TXNDC8: variants seen among roughly 807,000 people sequenced by gnomAD.
TXNDC8 encodes thioredoxin domain-containing protein 8.
Under a neutral mutation model 12.9 loss-of-function variants are expected in TXNDC8, and 15 were observed. That is an observed-to-expected ratio of 1.16 (90% CI 0.78 to 1.79). The LOEUF is 1.79. Among genes scored for constraint, TXNDC8 ranks in the 40% most tolerant of loss-of-function variants. TXNDC8 has a pLI of 0.00. For missense variants in TXNDC8, 128 were observed against 113.2 expected, an observed-to-expected ratio of 1.13 and a Z score of -0.59; for synonymous variants, 40 against 35.4, an observed-to-expected ratio of 1.13 and a Z score of -0.46.
intron 3 of TXNDC8, among the ~76,000 whole-genome samples, chr9:110,318,510 G>T (rs185609833): frequency 6.6e-6 from 1 of 152,276 alleles, no homozygotes; most frequent in African/African-American, 2.4e-5. Context: ...GCCGAGGCAG[G>T]TGGATCACGA....
intron 3 of TXNDC8, chr9:110,323,286 A>T: frequency 4.1e-6 from 4 of 985,438 alleles, no homozygotes; most frequent in Non-Finnish European, 3.6e-6. Context: ...GATATCCAAA[A>T]CGGATATATT....
intron 2 of TXNDC8, among the ~76,000 whole-genome samples, chr9:110,333,520 T>C (rs923852768): frequency 2.0e-5 from 3 of 152,150 alleles, no homozygotes; most frequent in Non-Finnish European, 1.5e-5. Flanking sequence ...AGAGTTAACA[T>C]TAGGGTGTTG....
At chr9:110,307,818 C>G (rs1003335434) in intron 3 of TXNDC8, among the ~76,000 whole-genome samples, 2 of 152,214 alleles carry the variant, frequency 1.3e-5, no homozygotes, top group African/African-American at 4.8e-5. Flanking sequence ...CCGGACCAAA[C>G]CAGTGTTCAT....
At chr9:110,327,902 G>T (rs1208934629) in intron 2 of TXNDC8, among the ~76,000 whole-genome samples, 1 of 152,076 alleles carries the variant, frequency 6.6e-6, no homozygotes, top group African/African-American at 2.4e-5. Flanking sequence ...TGTGAATATA[G>T]AAAAGGTAAA....
At chr9:110,306,321 ACC>A (rs1838466806) in intron 3 of TXNDC8, among the ~76,000 whole-genome samples, 1 of 152,122 alleles carries the variant, frequency 6.6e-6, no homozygotes, top group African/African-American at 2.4e-5. Flanking sequence ...CATATGTTTT[ACC>A]TTGGTCAGCT....
At chr9:110,324,735 GC>G (rs1839239720) in intron 3 of TXNDC8, among the ~76,000 whole-genome samples, 1 of 152,124 alleles carries the variant, frequency 6.6e-6, no homozygotes, top group Admixed American at 6.5e-5. Flanking sequence ...AACGGAATAA[GC>G]ATTTTGTGTC....
intron 3 of TXNDC8, among the ~76,000 whole-genome samples, chr9:110,311,571 T>C (rs1838676277): frequency 1.6e-5 from 2 of 124,414 alleles, no homozygotes; most frequent in South Asian, 2.6e-4. Flanking sequence ...CCATACTATA[T>C]ATATATGGAT....
In TXNDC8 at chr9:110,334,282, T is replaced by C. The variant is rs1839663005; in HGVS notation, c.63A>G (p.Lys21=). 1.2e-6 allele frequency: 2 copies of C among 1,613,722 alleles called. No individual in the cohort carries two copies. The highest frequency in any genetic ancestry group is 1.1e-5 in the South Asian group (1 of 91,066). ...TCGAAGAAAATTGAACCACTGCGAG[T>C]TTGTGTCCGGCAGCTGTCAAAAATG... The change falls in exon 2 of 5, where the codon AAA becomes AAG. Residue 21 remains lysine, a synonymous_variant. Coordinates refer to ENST00000423740, the MANE Select transcript of TXNDC8 (RefSeq NM_001286946.2).
At chr9:110,324,249 TA>T (rs1381355466) in intron 3 of TXNDC8, among the ~76,000 whole-genome samples, 1 of 152,126 alleles carries the variant, frequency 6.6e-6, no homozygotes, top group Non-Finnish European at 1.5e-5. Context: ...GAGAAGATAA[TA>T]AAAGATGATA....
intron 2 of TXNDC8, among the ~76,000 whole-genome samples, chr9:110,327,121 A>C (rs1839354503): frequency 6.6e-6 from 1 of 152,230 alleles, no homozygotes; most frequent in African/African-American, 2.4e-5. Flanking sequence ...ACAGGTTGGC[A>C]AGGATGTGGA....
At chr9:110,308,745 A>G (rs967296795) in intron 3 of TXNDC8, among the ~76,000 whole-genome samples, 2 of 152,240 alleles carry the variant, frequency 1.3e-5, no homozygotes, top group East Asian at 1.9e-4. Flanking sequence ...GCAGTACCAA[A>G]AAAATCTAGA....
chr9:110,322,439 A>C, intron 3 of TXNDC8: 2 of 985,448 alleles, frequency 2.0e-6, no homozygotes, highest in South Asian at 9.4e-5. Flanking sequence ...TTCAAAAGAG[A>C]TACATATCCA....
At chr9:110,301,300 C>T (rs1044369474), downstream of TXNDC8, among the ~76,000 whole-genome samples, 1 of 152,182 alleles carries the variant, frequency 6.6e-6, no homozygotes, top group African/African-American at 2.4e-5. Flanking sequence ...ATTCCACTTA[C>T]AGGATTGCTG....
Position 110,303,517 on chromosome 9 carries a change from C to T in TXNDC8, c.*165G>A. ...CACAAGTGTATTTTGCCTTGGAGATCAGCTTACATTAATTCTTGAGTCTTG... is the reference window on the plus strand; with the variant it reads ...CACAAGTGTATTTTGCCTTGGAGATTAGCTTACATTAATTCTTGAGTCTTG... On this transcript the variant is annotated 3_prime_UTR_variant, in exon 5 of 5. Coordinates refer to ENST00000423740, the MANE Select transcript of TXNDC8 (RefSeq NM_001286946.2). 2 of 1,525,042 alleles carry T rather than the reference C, an allele frequency of 1.3e-6. No individual in the cohort carries two copies. The highest frequency in any genetic ancestry group is 1.8e-6 in the Non-Finnish European group (2 of 1,129,608). 94.5% of individuals were successfully genotyped at this position (1,525,042 alleles called of 1,614,324 possible).
intron 2 of TXNDC8, among the ~76,000 whole-genome samples, chr9:110,333,530 G>T (rs1444580468): frequency 6.6e-6 from 1 of 152,070 alleles, no homozygotes; most frequent in Non-Finnish European, 1.5e-5. Context: ...TTAGGGTGTT[G>T]CACACTTAAA....
chr9:110,332,749 C>A (rs1165235407), intron 2 of TXNDC8, among the ~76,000 whole-genome samples: 2 of 151,872 alleles, frequency 1.3e-5, no homozygotes, highest in Non-Finnish European at 2.9e-5. Context: ...CAGAAATTAA[C>A]CAGATAAAAT....
intron 3 of TXNDC8, among the ~76,000 whole-genome samples, chr9:110,308,681 AG>A (rs1368245506): frequency 1.3e-5 from 2 of 152,018 alleles, no homozygotes; most frequent in Non-Finnish European, 2.9e-5. Context: ...AAAAAAAAAA[AG>A]GTTCTCTCAT....
intron 3 of TXNDC8, among the ~76,000 whole-genome samples, chr9:110,322,230 T>C (rs1485283616): frequency 6.6e-6 from 1 of 152,140 alleles, no homozygotes; most frequent in African/African-American, 2.4e-5. Flanking sequence ...GTTACTAATA[T>C]TCAATGATAA....
intron 3 of TXNDC8, among the ~76,000 whole-genome samples, chr9:110,305,729 CCTGTT>C: frequency 1.5e-5 from 2 of 130,950 alleles, no homozygotes; most frequent in African/African-American, 2.8e-5. Flanking sequence ...TTCTTTCTTT[CCTGTT>C]TCTTTCTTCC....
Sources: allele counts gnomAD v4.1 joint callset (sites outside exome capture counted in the v4.1 genomes callset), GRCh38; gene constraint gnomAD v4.1.1; transcripts MANE v1.5; gene names NCBI Gene and HGNC (gene_info 2026-07-23, HGNC 2026-07-21).